C3orf52: variants seen among roughly 807,000 people sequenced by gnomAD.
The protein encoded by C3orf52 is chromosome 3 open reading frame 52.
In C3orf52, 22 loss-of-function variants were observed where a neutral mutation model predicts 24.8. That is an observed-to-expected ratio of 0.89 (90% confidence interval 0.63 to 1.27). C3orf52 has a LOEUF of 1.27. C3orf52 is among the 50% of genes most tolerant of loss of function. C3orf52 has a pLI of 0.00. For synonymous variants in C3orf52, 93 were observed against 100.2 expected, an observed-to-expected ratio of 0.93 and a Z score of 0.43; for missense variants, 265 against 260.7, an observed-to-expected ratio of 1.02 and a Z score of -0.11.
At chr3:112,098,576 A>T (rs781360211) in intron 2 of C3orf52, among the ~76,000 whole-genome samples, 1 of 152,190 alleles carries the variant, frequency 6.6e-6, no homozygotes, top group Non-Finnish European at 1.5e-5. Flanking sequence ...ATTATTATAC[A>T]TGTGAAACTA....
At chr3:112,123,578 G>A in intron 4 of C3orf52, 1 of 1,614,122 alleles carries the variant, frequency 6.2e-7, no homozygotes, top group Non-Finnish European at 8.5e-7. Context: ...GGGCATGCCT[G>A]GGGTCTGTAG....
intron 1 of C3orf52, among the ~76,000 whole-genome samples, chr3:112,091,838 A>T (rs2107774661): frequency 6.6e-6 from 1 of 152,156 alleles, no homozygotes; most frequent in East Asian, 1.9e-4. Context: ...CCCCGTCTCT[A>T]CTAAATATAC....
chr3:112,102,561 C>T (rs897555385), intron 2 of C3orf52, among the ~76,000 whole-genome samples: 20 of 152,176 alleles, frequency 1.3e-4, no homozygotes, highest in African/African-American at 4.1e-4. Flanking sequence ...ATTCTTCCTA[C>T]TCCCTTGGGC....
chr3:112,114,591 C>A (rs1465091024), intron 5 of C3orf52, among the ~76,000 whole-genome samples: 1 of 152,022 alleles, frequency 6.6e-6, no homozygotes, highest in Non-Finnish European at 1.5e-5. Flanking sequence ...ATAATCCCAG[C>A]TACTCGGGAG....
intron 1 of C3orf52, 121 bp from the exon 2 acceptor site, chr3:112,093,239 A>G (rs1182657114): frequency 2.2e-6 from 2 of 916,544 alleles, no homozygotes; most frequent in African/African-American, 3.4e-5. Flanking sequence ...GATTCAGTAG[A>G]GTGTTGCCCT....
intron 4 of C3orf52, chr3:112,123,908 T>C: frequency 1.1e-6 from 1 of 874,774 alleles, no homozygotes; most frequent in Admixed American, 2.5e-5. Context: ...GGCCATTTTT[T>C]TCTAAATGGC....
At chr3:112,131,543 C>A (rs2074451649), downstream of C3orf52, among the ~76,000 whole-genome samples, 1 of 151,704 alleles carries the variant, frequency 6.6e-6, no homozygotes, top group African/African-American at 2.4e-5. Context: ...TTCAGGCTGC[C>A]CTCAAACTCC....
chr3:112,132,848 T>C (rs1475325582), downstream of C3orf52: 1 of 476,706 alleles, frequency 2.1e-6, no homozygotes, highest in African/African-American at 2.0e-5. Flanking sequence ...CTTGGTAAAG[T>C]CTTTCCACCT....
At chr3:112,127,869 T>A (rs1229968950) in intron 4 of C3orf52, 31 of 655,588 alleles carry the variant, frequency 4.7e-5, no homozygotes. Flanking sequence ...ATTGGAAGGA[T>A]TGCTTCCCTG....
chr3:112,121,935 T>C (rs1262890530), downstream of C3orf52: 1 of 152,232 alleles, frequency 6.6e-6, no homozygotes, highest in South Asian at 2.1e-4. Flanking sequence ...GCCTGTCTAG[T>C]AAACATAATG....
At chr3:112,096,196 T>G (rs2073925742) in intron 2 of C3orf52, among the ~76,000 whole-genome samples, 1 of 152,160 alleles carries the variant, frequency 6.6e-6, no homozygotes, top group Non-Finnish European at 1.5e-5. Context: ...GGCAGGTCTT[T>G]GCAAAACTAC....
At chr3:112,106,816 C>A (rs1263288902) in intron 3 of C3orf52, among the ~76,000 whole-genome samples, 1 of 152,076 alleles carries the variant, frequency 6.6e-6, no homozygotes, top group South Asian at 2.1e-4. Flanking sequence ...ACTACCACAC[C>A]CTGTGCATGG....
intron 3 of C3orf52, among the ~76,000 whole-genome samples, chr3:112,104,782 C>T (rs984328496): frequency 3.3e-5 from 5 of 152,128 alleles, no homozygotes; most frequent in Non-Finnish European, 7.3e-5. Context: ...TCTTTTATCC[C>T]TCACCCCCAC....
At chr3:112,136,179 T>A in the C3orf52 span, among the ~76,000 whole-genome samples, 1 of 152,370 alleles carries the variant, frequency 6.6e-6, no homozygotes, top group East Asian at 1.9e-4. Context: ...AAACGCTATG[T>A]GACAAATGGT....
At chr3:112,092,644 G>A (rs551713234) in intron 1 of C3orf52, among the ~76,000 whole-genome samples, 2 of 152,246 alleles carry the variant, frequency 1.3e-5, no homozygotes, top group East Asian at 1.9e-4. Flanking sequence ...GTGAAATGAC[G>A]CTGGTGCTCA....
chr3:112,117,317 G>A lies in C3orf52; in HGVS notation c.*671G>A. ...GACCTGTACCTGAGTATCTTAGCCA[G>A]CCAGCCTTAGGAACACCACCAAGGT... On this transcript the variant is annotated 3_prime_UTR_variant, in exon 6 of 6. Coordinates refer to ENST00000264848, the MANE Select transcript of C3orf52 (RefSeq NM_024616.3). 2 of 266,622 alleles carry A rather than the reference G, an allele frequency of 7.5e-6. No individual in the cohort carries two copies. Among genetic ancestry groups the A allele is most frequent in the Non-Finnish European group, 1.4e-5 (2 of 140,998 alleles). 16.5% of individuals were successfully genotyped at this position (266,622 alleles called of 1,614,324 possible).
chr3:112,130,542 A>C, downstream of C3orf52: 3 of 1,595,562 alleles, frequency 1.9e-6, no homozygotes, highest in Non-Finnish European at 2.6e-6. Context: ...GAAACAGGCT[A>C]AGTATTTCCT....
Position 112,086,543 on chromosome 3 carries a change from G to A in C3orf52, c.136G>A (p.Glu46Lys), listed in dbSNP as rs2073827647. 5 of 1,550,744 alleles carry A rather than the reference G, an allele frequency of 3.2e-6. No homozygotes were observed. The highest frequency in any genetic ancestry group is 1.2e-5 in the South Asian group (1 of 83,980). The stretch of plus-strand genomic sequence containing the variant: ...TTTGGACGAGGAGGTCCCCCCGGCC[G>A]AGGTAAGGTCCCCTTGGCGCTGGCC... ...PSLDEEVPPA[E>K]ANKESPWSSC... Residue 46 changes from glutamate to lysine, a missense_variant and splice_region_variant, in exon 1 of 6, where the codon GAG becomes AAG. Physicochemically the swap from Glu to Lys is moderately conservative, Grantham distance 56. Transcript: ENST00000264848.
At chr3:112,099,205 A>G (rs1382959735) in intron 2 of C3orf52, among the ~76,000 whole-genome samples, 1 of 152,136 alleles carries the variant, frequency 6.6e-6, no homozygotes, top group Non-Finnish European at 1.5e-5. Context: ...ACTGTAAGAC[A>G]ATTAAACCTC....
Sources: allele counts gnomAD v4.1 joint callset (sites outside exome capture counted in the v4.1 genomes callset), GRCh38; gene constraint gnomAD v4.1.1; transcripts MANE v1.5; gene names NCBI Gene and HGNC (gene_info 2026-07-23, HGNC 2026-07-21).